Variants in PACSIN2 observed in about 807,000 individuals in gnomAD.
PACSIN2 encodes the protein protein kinase C and casein kinase substrate in neurons protein 2.
Under a neutral mutation model 63.8 loss-of-function variants are expected in PACSIN2, and 25 were observed. The observed-to-expected ratio is 0.39, with a 90% CI of 0.29 to 0.55. PACSIN2 has a LOEUF of 0.55. PACSIN2 is among the 20% of genes least tolerant of loss of function. The pLI is 0.62. For synonymous variants in PACSIN2, 255 were observed against 256.2 expected, an observed-to-expected ratio of 1.00 and a Z score of 0.05; for missense variants, 518 against 646.9, an observed-to-expected ratio of 0.80 and a Z score of 2.16.
chr22:42,890,078 T>G (rs1929794564), intron 4 of PACSIN2, among the ~76,000 whole-genome samples: 1 of 150,386 alleles, frequency 6.6e-6, no homozygotes, highest in East Asian at 2.0e-4. Context: ...CTCAGCTCAC[T>G]GCAACTTCCA....
At chr22:42,896,382 T>G (rs2413729) in intron 2 of PACSIN2, among the ~76,000 whole-genome samples, 14 of 54,220 alleles carry the variant, frequency 2.6e-4, no homozygotes, top group South Asian at 5.6e-4. Context: ...GATTGTGTAG[T>G]TATGCCACTA....
At chr22:42,895,473 T>C (rs968008207) in intron 2 of PACSIN2, among the ~76,000 whole-genome samples, 2 of 152,304 alleles carry the variant, frequency 1.3e-5, no homozygotes, top group South Asian at 4.1e-4. Context: ...CATCAAATCA[T>C]GTATTTTGGC....
At chr22:42,895,398 T>C (rs1029866109) in intron 2 of PACSIN2, among the ~76,000 whole-genome samples, 1 of 152,170 alleles carries the variant, frequency 6.6e-6, no homozygotes, top group East Asian at 1.9e-4. Context: ...ACAGTCGACA[T>C]GAAGCCACAA....
chr22:42,908,891 C>G (rs1277475494), intron 2 of PACSIN2, among the ~76,000 whole-genome samples: 1 of 152,182 alleles, frequency 6.6e-6, no homozygotes, highest in African/African-American at 2.4e-5. Flanking sequence ...AGAGGCAGAG[C>G]TGGGGGTGGT....
chr22:43,005,409 A>G (rs949741608), intron 1 of PACSIN2, among the ~76,000 whole-genome samples: 3 of 152,224 alleles, frequency 2.0e-5, no homozygotes, highest in Non-Finnish European at 4.4e-5. Context: ...AAACCCAGGG[A>G]GGATATGACC....
intron 1 of PACSIN2, among the ~76,000 whole-genome samples, chr22:42,974,855 G>GAAC (rs949120160): frequency 3.9e-5 from 6 of 152,000 alleles, no homozygotes; most frequent in African/African-American, 9.7e-5. Context: ...CGAGGAGAAG[G>GAAC]AACAACAACA....
chr22:42,889,501 T>C (rs921150466), intron 4 of PACSIN2, among the ~76,000 whole-genome samples: 1 of 151,970 alleles, frequency 6.6e-6, no homozygotes, highest in African/African-American at 2.4e-5. Flanking sequence ...GACAGTTTCA[T>C]TATGAATGGG....
intron 10 of PACSIN2, among the ~76,000 whole-genome samples, chr22:42,874,313 G>A (rs534909358): frequency 9.0e-5 from 11 of 122,878 alleles, no homozygotes; most frequent in East Asian, 6.8e-4. Flanking sequence ...GAGTGAGACC[G>A]TGTCTCTATT....
intron 1 of PACSIN2, among the ~76,000 whole-genome samples, chr22:42,950,604 C>CA (rs1224199667): frequency 2.0e-5 from 3 of 152,188 alleles, no homozygotes; most frequent in Admixed American, 6.5e-5. Context: ...ACAGCAGCCC[C>CA]AGCCAACTAG....
At chr22:43,001,212 C>G (rs961251027) in intron 1 of PACSIN2, among the ~76,000 whole-genome samples, 7 of 152,190 alleles carry the variant, frequency 4.6e-5, no homozygotes, top group African/African-American at 1.7e-4. Flanking sequence ...AAGCTCCAAA[C>G]GACAAAGGGG....
At chr22:42,997,767 C>T (rs1012981091) in intron 1 of PACSIN2, among the ~76,000 whole-genome samples, 7 of 151,548 alleles carry the variant, frequency 4.6e-5, no homozygotes, top group Admixed American at 4.6e-4. Flanking sequence ...TATTACTTCA[C>T]TCGGGAGGCA....
intron 1 of PACSIN2, among the ~76,000 whole-genome samples, chr22:42,932,633 C>T (rs1299661871): frequency 6.6e-6 from 1 of 151,938 alleles, no homozygotes; most frequent in African/African-American, 2.4e-5. Flanking sequence ...AGACCATATA[C>T]TGACATATCT....
chr22:42,958,215 C>T (rs564856015), intron 1 of PACSIN2, among the ~76,000 whole-genome samples: 1 of 152,098 alleles, frequency 6.6e-6, no homozygotes, highest in Admixed American at 6.5e-5. Flanking sequence ...CACTCGGCTA[C>T]CAACGAGACG....
intron 1 of PACSIN2, among the ~76,000 whole-genome samples, chr22:42,923,594 A>AT (rs1225489619): frequency 2.6e-5 from 4 of 151,996 alleles, no homozygotes; most frequent in Non-Finnish European, 5.9e-5. Flanking sequence ...TGCCTGGCTA[A>AT]TTTTTTGTAT....
chr22:42,993,289 C>G (rs1923173873), intron 1 of PACSIN2, among the ~76,000 whole-genome samples: 1 of 152,098 alleles, frequency 6.6e-6, no homozygotes, highest in Admixed American at 6.5e-5. Flanking sequence ...CAGTGGTGGC[C>G]TGGAAGAAGT....
At chr22:42,908,585 G>T (rs1024733260) in intron 2 of PACSIN2, among the ~76,000 whole-genome samples, 2 of 152,218 alleles carry the variant, frequency 1.3e-5, no homozygotes, top group Non-Finnish European at 2.9e-5. Flanking sequence ...CTGCCGTGAA[G>T]CCTGTGGGCG....
At chr22:42,986,306 C>T (rs1029541723) in intron 1 of PACSIN2, among the ~76,000 whole-genome samples, 3 of 152,194 alleles carry the variant, frequency 2.0e-5, no homozygotes, top group Admixed American at 6.5e-5. Flanking sequence ...GTGTGGTCAG[C>T]GAGTCTGGTA....
intron 1 of PACSIN2, among the ~76,000 whole-genome samples, chr22:42,960,724 G>A (rs987495172): frequency 6.6e-6 from 1 of 152,192 alleles, no homozygotes; most frequent in African/African-American, 2.4e-5. Flanking sequence ...AGGCAGGCAG[G>A]AAGGGGTGCC....
chr22:42,951,570 C>T (rs574292783), intron 1 of PACSIN2, among the ~76,000 whole-genome samples: 3 of 152,212 alleles, frequency 2.0e-5, no homozygotes, highest in African/African-American at 4.8e-5. Context: ...CTGCATCCCC[C>T]GGTTGGGCTC....
Sources: allele counts gnomAD v4.1 joint callset (sites outside exome capture counted in the v4.1 genomes callset), GRCh38; gene constraint gnomAD v4.1.1; transcripts MANE v1.5; gene names NCBI Gene and HGNC (gene_info 2026-07-23, HGNC 2026-07-21).